Variants in RBM20 observed in about 807,000 individuals in gnomAD.
The protein encoded by RBM20 is RNA-binding protein 20.
Under a neutral mutation model 110.1 loss-of-function variants are expected in RBM20, and 51 were observed. That is an observed-to-expected ratio of 0.46 (90% CI 0.37 to 0.59). RBM20 has a LOEUF of 0.59. RBM20 is among the 20% of genes least tolerant of loss of function. The probability of loss-of-function intolerance (pLI) is 0.00; values close to 1 mark genes in which losing one functional copy is unlikely to be tolerated. For missense variants in RBM20, 1,512 were observed against 1,574.9 expected, an observed-to-expected ratio of 0.96 and a Z score of 0.68; for synonymous variants, 589 against 618.2, an observed-to-expected ratio of 0.95 and a Z score of 0.70.
intron 1 of RBM20, among the ~76,000 whole-genome samples, chr10:110,759,791 G>T (rs527755289): frequency 6.6e-6 from 1 of 152,300 alleles, no homozygotes; most frequent in African/African-American, 2.4e-5. Context: ...TTTGTCATTG[G>T]TTTAATGATG....
At chr10:110,746,381 C>T (rs1288988573) in intron 1 of RBM20, among the ~76,000 whole-genome samples, 2 of 152,188 alleles carry the variant, frequency 1.3e-5, no homozygotes, top group Non-Finnish European at 2.9e-5. Flanking sequence ...ATTTAATCCA[C>T]TGTAGAGTGG....
chr10:110,791,893 T>C (rs1844488197), intron 5 of RBM20, among the ~76,000 whole-genome samples: 1 of 125,606 alleles, frequency 8.0e-6, no homozygotes, highest in East Asian at 2.3e-4. Context: ...AAGTTTTCAG[T>C]GCACCTGTCT....
chr10:110,651,103 G>C (rs1279710221), intron 1 of RBM20, among the ~76,000 whole-genome samples: 2 of 152,230 alleles, frequency 1.3e-5, no homozygotes, highest in Non-Finnish European at 2.9e-5. Context: ...ATCAATTGCA[G>C]TTTCTTCCAA....
At chr10:110,692,348 G>A (rs1353851238) in intron 1 of RBM20, among the ~76,000 whole-genome samples, 1 of 151,944 alleles carries the variant, frequency 6.6e-6, no homozygotes, top group East Asian at 1.9e-4. Context: ...TCAATTTGTA[G>A]GTCACTTACA....
chr10:110,743,268 G>A (rs1843741182), intron 1 of RBM20, among the ~76,000 whole-genome samples: 1 of 152,096 alleles, frequency 6.6e-6, no homozygotes, highest in Non-Finnish European at 1.5e-5. Context: ...CCTCCAATGG[G>A]GTAAATCAAT....
intron 1 of RBM20, among the ~76,000 whole-genome samples, chr10:110,759,077 C>G (rs146727830): frequency 1.8e-4 from 27 of 152,352 alleles, no homozygotes; most frequent in African/African-American, 6.5e-4. Context: ...TCCACATTGG[C>G]TGACTCACAA....
intron 1 of RBM20, among the ~76,000 whole-genome samples, chr10:110,729,067 G>T (rs1843593675): frequency 1.3e-5 from 2 of 152,154 alleles, no homozygotes; most frequent in African/African-American, 2.4e-5. Context: ...CAGAATATTG[G>T]TTACTGTTGC....
In RBM20 at chr10:110,836,873, G is replaced by A. The variant is rs375900867; in HGVS notation, c.*895G>A. 7 of 152,310 alleles carry A rather than the reference G, an allele frequency of 4.6e-5. No individual in the cohort carries two copies. Among genetic ancestry groups the A allele is most frequent in the South Asian group, 2.1e-4 (1 of 4,820 alleles). The allele number at this position is 152,310 out of a possible 1,614,324, so 9.4% of individuals were successfully genotyped here. On this transcript the variant is annotated 3_prime_UTR_variant, in exon 14 of 14. Coordinates refer to ENST00000369519, the MANE Select transcript of RBM20 (RefSeq NM_001134363.3). ...CTCCAGCTAAAGCAGCAGTTGGCGC[G>A]GGCTTAGGTTGAATGCTGGCCTCTC...
At chr10:110,824,490 T>C (rs1053480295) in intron 12 of RBM20, among the ~76,000 whole-genome samples, 1 of 152,198 alleles carries the variant, frequency 6.6e-6, no homozygotes, top group African/African-American at 2.4e-5. Flanking sequence ...GGTGACTGTG[T>C]GCCCTCAGGT....
intron 1 of RBM20, among the ~76,000 whole-genome samples, chr10:110,731,114 G>A (rs530867002): frequency 4.6e-5 from 7 of 152,088 alleles, no homozygotes; most frequent in African/African-American, 9.6e-5. Flanking sequence ...ATTTTTTCTC[G>A]GTATGAAAGG....
At chr10:110,647,731 T>A (rs189153616) in intron 1 of RBM20, among the ~76,000 whole-genome samples, 14 of 152,372 alleles carry the variant, frequency 9.2e-5, no homozygotes, top group Admixed American at 5.2e-4. Context: ...GTTTTATTTT[T>A]AAAATTATTT....
At chr10:110,781,929 G>C in intron 2 of RBM20, 45 bp downstream of exon 2, 2 of 1,550,826 alleles carry the variant, frequency 1.3e-6, no homozygotes, top group Non-Finnish European at 1.7e-6. Flanking sequence ...AGAAGCCTGG[G>C]CAGGCCTTTC....
At chr10:110,710,063 A>G (rs760338104) in intron 1 of RBM20, among the ~76,000 whole-genome samples, 3 of 152,170 alleles carry the variant, frequency 2.0e-5, no homozygotes, top group African/African-American at 7.2e-5. Context: ...CTAGTATTTC[A>G]TATGAAGAAA....
chr10:110,807,278 T>C (rs533453958), intron 7 of RBM20, among the ~76,000 whole-genome samples: 93 of 152,136 alleles, frequency 6.1e-4, no homozygotes, highest in Admixed American at 1.4e-3. Flanking sequence ...TAGAAGTAAC[T>C]CCAGGAGGTA....
chr10:110,661,179 C>T (rs1288218193), intron 1 of RBM20, among the ~76,000 whole-genome samples: 2 of 152,160 alleles, frequency 1.3e-5, no homozygotes, highest in African/African-American at 4.8e-5. Flanking sequence ...CTCTCTGAGC[C>T]CACCTAGGAT....
intron 8 of RBM20, among the ~76,000 whole-genome samples, chr10:110,811,051 G>A (rs1159092304): frequency 5.3e-5 from 8 of 152,210 alleles, no homozygotes; most frequent in Non-Finnish European, 1.2e-4. Flanking sequence ...GGGGCTATAA[G>A]TTGACCACTG....
At chr10:110,780,460 T>G (rs1304130525) in intron 1 of RBM20, among the ~76,000 whole-genome samples, 1 of 152,220 alleles carries the variant, frequency 6.6e-6, no homozygotes, top group Non-Finnish European at 1.5e-5. Flanking sequence ...TATGCGTTGA[T>G]TATCATTGAC....
At position 110,644,422 on chromosome 10, in the gene RBM20, T is replaced by G. The variant is rs1399578740; in HGVS notation, c.-33T>G. ...CCGGGACCGCCCCTCCCTTGAGCTC[T>G]CTCGCCGCGATCCCGGGCGGGTCTC... On this transcript the variant is annotated 5_prime_UTR_variant, in exon 1 of 14. Coordinates refer to ENST00000369519, the MANE Select transcript of RBM20 (RefSeq NM_001134363.3). This position sits in a 1 kb window ranked among gnomAD's most constrained non-coding sequence, Gnocchi z 4.3. The G allele has an allele frequency of 6.9e-7, 1 of 1,439,678 alleles. No homozygotes were observed. The highest frequency in any genetic ancestry group is 1.5e-5 in the African/African-American group (1 of 67,358). The allele number at this position is 1,439,678 out of a possible 1,614,324, so 89.2% of individuals were successfully genotyped here.
chr10:110,748,177 G>C (rs146388564), intron 1 of RBM20, among the ~76,000 whole-genome samples: 3 of 152,260 alleles, frequency 2.0e-5, no homozygotes, highest in African/African-American at 7.2e-5. Context: ...TGGCGAAAAG[G>C]CATTTCCTGA....
Sources: gnomAD v4.1 joint callset for allele counts (sites outside exome capture counted in the v4.1 genomes callset) on GRCh38, gnomAD v4.1.1 for gene constraint, Gnocchi (gnomAD v3.1) non-coding constraint, MANE v1.5 for transcripts, NCBI Gene and HGNC (gene_info 2026-07-23, HGNC 2026-07-21) for gene names.